GRID2: variants seen among roughly 807,000 people sequenced by gnomAD.
GRID2 encodes the protein glutamate receptor ionotropic, delta-2.
A neutral mutation model predicts 114.8 loss-of-function variants in GRID2; 33 were observed. The observed-to-expected ratio is 0.29, with a 90% CI of 0.22 to 0.38. GRID2 has a LOEUF of 0.38. Ranked by LOEUF, GRID2 falls within the 10% of genes least tolerant of loss-of-function variation. GRID2 has a pLI of 1.00. For synonymous variants in GRID2, 505 were observed against 449.9 expected, an observed-to-expected ratio of 1.12 and a Z score of -1.55; for missense variants, 1,184 against 1,257.7, an observed-to-expected ratio of 0.94 and a Z score of 0.89.
At chr4:93,514,228 GAGACTC>G (rs1365813692) in intron 12 of GRID2, among the ~76,000 whole-genome samples, 2 of 152,022 alleles carry the variant, frequency 1.3e-5, no homozygotes, top group Admixed American at 1.3e-4. Flanking sequence ...AAAATATAGA[GAGACTC>G]AGAAACTCAA....
At chr4:93,615,994 T>A (rs1358132521) in intron 13 of GRID2, among the ~76,000 whole-genome samples, 1 of 152,188 alleles carries the variant, frequency 6.6e-6, no homozygotes, top group Non-Finnish European at 1.5e-5. Flanking sequence ...GTCTCACACT[T>A]TGAAAATGGT....
chr4:92,647,209 G>A (rs984498102), intron 2 of GRID2, among the ~76,000 whole-genome samples: 12 of 152,156 alleles, frequency 7.9e-5, no homozygotes, highest in African/African-American at 2.9e-4. Flanking sequence ...TGCTGATAGG[G>A]TTATGGGGAT....
chr4:93,751,502 G>A (rs563113556), intron 14 of GRID2, among the ~76,000 whole-genome samples: 3 of 152,200 alleles, frequency 2.0e-5, no homozygotes, highest in Non-Finnish European at 4.4e-5. Context: ...TGGTTCTTGG[G>A]GGGAAATGCT....
intron 1 of GRID2, among the ~76,000 whole-genome samples, chr4:92,420,093 A>G (rs1227806396): frequency 1.3e-5 from 2 of 152,076 alleles, no homozygotes; most frequent in African/African-American, 4.8e-5. Context: ...CACTTCTTTT[A>G]AAAAATTGGT....
At chr4:92,644,746 T>C (rs1004787574) in intron 2 of GRID2, among the ~76,000 whole-genome samples, 11 of 151,832 alleles carry the variant, frequency 7.2e-5, no homozygotes, top group African/African-American at 2.6e-4. Flanking sequence ...TGAGGTCATC[T>C]TTAAGATAAT....
At chr4:93,396,349 G>T (rs1169984422) in intron 9 of GRID2, among the ~76,000 whole-genome samples, 2 of 151,842 alleles carry the variant, frequency 1.3e-5, no homozygotes, top group African/African-American at 4.8e-5. Context: ...TATCTGTGGG[G>T]GATGCATTCC....
chr4:92,484,570 A>G (rs1157640033), intron 1 of GRID2, among the ~76,000 whole-genome samples: 1 of 152,138 alleles, frequency 6.6e-6, no homozygotes, highest in Non-Finnish European at 1.5e-5. Flanking sequence ...TCAATATTTT[A>G]TGCAAAGCCA....
chr4:92,502,740 C>T (rs929124901), intron 1 of GRID2, among the ~76,000 whole-genome samples: 15 of 102,224 alleles, frequency 1.5e-4, no homozygotes, highest in Non-Finnish European at 2.3e-4. Context: ...TTTTCCTATA[C>T]GAAGTCTTGC....
At position 93,279,997 on chromosome 4, in the gene GRID2, A is replaced by T. The variant is rs568662949; in HGVS notation, c.1245+41507A>T. The stretch of plus-strand genomic sequence containing the variant: ...GATGTATATGGCAGCAATGTGATGG[A>T]TCGCTTAGAGAAGCACTAATGTTTG... On this transcript the variant is annotated intron_variant, in intron 8 of 15. Transcript: ENST00000282020. Among the ~76,000 whole-genome samples, 3 of 152,070 alleles carry T rather than the reference A, an allele frequency of 2.0e-5. No individual in the cohort carries two copies. In the South Asian group the frequency reaches 6.2e-4, roughly 31 times the overall value.
intron 2 of GRID2, among the ~76,000 whole-genome samples, chr4:92,608,522 A>T (rs1729570305): frequency 6.6e-6 from 1 of 151,832 alleles, no homozygotes; most frequent in Non-Finnish European, 1.5e-5. Flanking sequence ...CCCAAGTTTT[A>T]TAATATAAAA....
At chr4:93,391,724 GCA>G (rs1764870583) in intron 8 of GRID2, among the ~76,000 whole-genome samples, 1 of 152,064 alleles carries the variant, frequency 6.6e-6, no homozygotes, top group South Asian at 2.1e-4. Flanking sequence ...ACAGCCCATG[GCA>G]AATAAGAAGT....
chr4:92,706,987 T>C (rs1734986154), intron 2 of GRID2, among the ~76,000 whole-genome samples: 1 of 152,166 alleles, frequency 6.6e-6, no homozygotes, highest in Non-Finnish European at 1.5e-5. Flanking sequence ...ATGGTGATTA[T>C]ACATTTACAA....
intron 14 of GRID2, among the ~76,000 whole-genome samples, chr4:93,725,314 C>T (rs1729762251): frequency 6.6e-6 from 1 of 152,172 alleles, no homozygotes; most frequent in Non-Finnish European, 1.5e-5. Flanking sequence ...AACATGAACT[C>T]ATCATTTTTT....
intron 2 of GRID2, among the ~76,000 whole-genome samples, chr4:92,616,893 GTC>G (rs1326432908): frequency 6.6e-6 from 1 of 150,700 alleles, no homozygotes; most frequent in Non-Finnish European, 1.5e-5. Flanking sequence ...ATTTTTGGCA[GTC>G]TTTTAAGATG....
In GRID2 at chr4:93,544,272, A is replaced by G. The variant is rs539969824; in HGVS notation, c.2193+28861A>G. 1.6e-4 allele frequency among the ~76,000 whole-genome samples: 24 copies of G among 151,242 alleles called. No homozygotes were observed. In the South Asian group the frequency reaches 4.8e-3, roughly 30 times the overall value. ...TTGAGATCTCTGGGAAATAATTTGT[A>G]AAAATTTAAATGGGTTAGCATTTAA... On this transcript the variant is annotated intron_variant, in intron 13 of 15. Coordinates refer to ENST00000282020, the MANE Select transcript of GRID2 (RefSeq NM_001510.4).
At chr4:93,361,256 C>G (rs997601934) in intron 8 of GRID2, among the ~76,000 whole-genome samples, 1 of 152,010 alleles carries the variant, frequency 6.6e-6, no homozygotes, top group African/African-American at 2.4e-5. Context: ...AGTCACAAAA[C>G]TAGTAAGCAA....
intron 1 of GRID2, among the ~76,000 whole-genome samples, chr4:92,418,894 T>C (rs1731752347): frequency 6.6e-6 from 1 of 152,108 alleles, no homozygotes; most frequent in East Asian, 1.9e-4. Context: ...TTTTTACTTC[T>C]TACTCAGTGC....
intron 9 of GRID2, among the ~76,000 whole-genome samples, chr4:93,415,661 AAAAT>A (rs1473063523): frequency 1.8e-4 from 27 of 152,182 alleles, no homozygotes; most frequent in African/African-American, 6.3e-4. Flanking sequence ...TTGTACAAAA[AAAAT>A]TGTCTTGTCC....
At chr4:93,250,108 A>G (rs549511619) in intron 8 of GRID2, among the ~76,000 whole-genome samples, 80 of 152,314 alleles carry the variant, frequency 5.3e-4, no homozygotes, top group Non-Finnish European at 6.2e-4. Context: ...ATGTCCATCA[A>G]TGATAGACTG....
Sources: gnomAD v4.1 joint callset for allele counts (sites outside exome capture counted in the v4.1 genomes callset) on GRCh38, gnomAD v4.1.1 for gene constraint, MANE v1.5 for transcripts, NCBI Gene and HGNC (gene_info 2026-07-23, HGNC 2026-07-21) for gene names.